Variants in PAH observed in about 807,000 individuals in gnomAD.
PAH encodes the protein phenylalanine hydroxylase, also known as phenylalanine-4-hydroxylase.
In PAH, 64 loss-of-function variants were observed where a neutral mutation model predicts 62.0. The ratio of observed to expected loss-of-function variants is 1.03; its 90% CI spans 0.84 to 1.27. PAH has a LOEUF of 1.27. PAH is among the 50% of genes most tolerant of loss of function. PAH has a pLI of 0.00. For synonymous variants in PAH, 195 were observed against 196.2 expected (o/e 0.99, Z 0.05); for missense variants, 579 against 542.8 (o/e 1.07, Z -0.66).
intron 2 of PAH, among the ~76,000 whole-genome samples, chr12:102,895,863 A>AT (rs1555208112): frequency 5.2e-5 from 7 of 133,644 alleles, no homozygotes; most frequent in African/African-American, 1.7e-4. Flanking sequence ...TCAAAAAAAA[A>AT]AAAAAAATAT....
At chr12:102,908,992 AT>A (rs1175628201) in intron 2 of PAH, among the ~76,000 whole-genome samples, 3 of 151,374 alleles carry the variant, frequency 2.0e-5, no homozygotes, top group Non-Finnish European at 4.4e-5. Context: ...TGCCCAGCTA[AT>A]TTTTTTGTGT....
At chr12:102,889,569 T>C (rs112979254) in intron 3 of PAH, among the ~76,000 whole-genome samples, 1 of 152,148 alleles carries the variant, frequency 6.6e-6, no homozygotes, top group African/African-American at 2.4e-5. Flanking sequence ...GATAGATAGA[T>C]AGACAGGCAG....
chr12:102,868,898 T>C (rs1490120502), intron 4 of PAH, among the ~76,000 whole-genome samples: 1 of 152,196 alleles, frequency 6.6e-6, no homozygotes, highest in Non-Finnish European at 1.5e-5. Flanking sequence ...CTCCAGGCCC[T>C]AAGGATAATA....
intron 3 of PAH, among the ~76,000 whole-genome samples, chr12:102,882,495 A>T (rs1463823): frequency 6.6e-6 from 1 of 152,046 alleles, no homozygotes; most frequent in African/African-American, 2.4e-5. Context: ...TAAATGAGTT[A>T]ATATGCGTGA....
chr12:102,881,792 T>C (rs182542288), intron 3 of PAH, among the ~76,000 whole-genome samples: 13 of 152,330 alleles, frequency 8.5e-5, no homozygotes, highest in South Asian at 6.2e-4. Context: ...ACAATATTTC[T>C]TTTTTCATGG....
At chr12:102,926,482 A>G (rs1270864089) in intron 1 of PAH, among the ~76,000 whole-genome samples, 1 of 151,946 alleles carries the variant, frequency 6.6e-6, no homozygotes, top group Non-Finnish European at 1.5e-5. Context: ...GGCACGACAA[A>G]TTCATGTAAC....
At chr12:102,867,885 ATATACATATATAGATGTATATATACATG>A (rs1876055506) in intron 4 of PAH, among the ~76,000 whole-genome samples, 5 of 146,484 alleles carry the variant, frequency 3.4e-5, no homozygotes, top group Non-Finnish European at 7.5e-5. Context: ...ATATACATGT[ATATACATATATAGATGTATATATACATG>A]TATATACATA....
At chr12:102,933,309 T>C (rs73393581) in intron 1 of PAH, among the ~76,000 whole-genome samples, 4,811 of 152,268 alleles carry the variant, frequency 0.032, 262 homozygotes, top group African/African-American at 0.11. Context: ...AACAGGATCT[T>C]ATTCTTTTTA....
upstream of PAH, among the ~76,000 whole-genome samples, chr12:102,922,195 C>CTTT (rs550531972): frequency 2.9e-3 from 359 of 124,952 alleles, 7 homozygotes; most frequent in African/African-American, 0.01. Flanking sequence ...TAAATCTTGC[C>CTTT]TTTTTTTTTT....
rs199475698 is a variant in PAH at position 102,877,456 on chromosome 12, A to T, written c.441+6T>A. ...AAAAATCTCATCCTACGGGCCATGG[A>T]CTCACAGGGTGGTCAGCATCCAGTT... On this transcript the variant is annotated splice_donor_region_variant and intron_variant, in intron 4 of 12. Coordinates refer to ENST00000553106, the MANE Select transcript of PAH (RefSeq NM_000277.3). 9.3e-6 allele frequency: 15 copies of T among 1,608,670 alleles called. No homozygotes were observed. Among genetic ancestry groups the T allele is most frequent in the Non-Finnish European group, 1.2e-5 (14 of 1,175,088 alleles).
At chr12:102,853,208 A>G in intron 6 of PAH, 1 of 505,294 alleles carries the variant, frequency 2.0e-6, no homozygotes, top group Non-Finnish European at 3.6e-6. Flanking sequence ...CAAGAATAAA[A>G]AGAGCTAATG....
At chr12:102,894,941 T>C in intron 2 of PAH, 23 bp from the exon 3 acceptor site, 5 of 1,592,326 alleles carry the variant, frequency 3.1e-6, no homozygotes, top group Non-Finnish European at 4.3e-6. Context: ...ATGGGGAGGG[T>C]GAGGAGACAG....
intron 2 of PAH, among the ~76,000 whole-genome samples, chr12:102,900,484 C>T (rs1330396544): frequency 1.3e-5 from 2 of 151,658 alleles, no homozygotes; most frequent in African/African-American, 4.8e-5. Context: ...CCCGGGCTGA[C>T]AAATGGGGGG....
chr12:102,838,219 G>A lies in PAH; in HGVS notation c.*956C>T, dbSNP rs1592944304. ...AGCCCCTGCAAAGGGTTGGAGATAT[G>A]AGCCTCTGGCCATTTTCTCATGTTA... is the stretch of plus-strand genomic sequence containing the variant. On this transcript the variant is annotated 3_prime_UTR_variant, in exon 13 of 13. Coordinates refer to ENST00000553106, the MANE Select transcript of PAH (RefSeq NM_000277.3). 6.6e-6 allele frequency: 1 copy of A among 152,164 alleles called. No individual in the cohort carries two copies. The highest frequency in any genetic ancestry group is 2.4e-5 in the African/African-American group (1 of 41,440). The allele number at this position is 152,164 out of a possible 1,614,324, so 9.4% of individuals were successfully genotyped here.
intron 1 of PAH, among the ~76,000 whole-genome samples, chr12:102,937,090 G>A (rs1275061180): frequency 2.0e-5 from 3 of 152,162 alleles, no homozygotes; most frequent in Admixed American, 1.3e-4. Context: ...AGAAGGATGT[G>A]TTTGCTTATC....
At chr12:102,864,192 C>A (rs116058440) in intron 5 of PAH, among the ~76,000 whole-genome samples, 167 of 152,206 alleles carry the variant, frequency 1.1e-3, no homozygotes, top group African/African-American at 3.8e-3. Flanking sequence ...AGTGGGGTTT[C>A]AATTTTACAT....
intron 8 of PAH, among the ~76,000 whole-genome samples, chr12:102,848,196 G>A (rs1186113377): frequency 1.1e-5 from 1 of 92,248 alleles, no homozygotes; most frequent in Non-Finnish European, 2.1e-5. Context: ...TAGGGGTTGA[G>A]GGTAGAGTAG....
intron 2 of PAH, among the ~76,000 whole-genome samples, chr12:102,895,593 T>C (rs930803733): frequency 6.6e-6 from 1 of 152,076 alleles, no homozygotes; most frequent in Non-Finnish European, 1.5e-5. Context: ...ACGCCTGTAA[T>C]CCCAGCACTT....
In PAH at chr12:102,904,851, A is replaced by G. The variant is rs1253285314; in HGVS notation, c.168+7940T>C. The G allele has an allele frequency of 9.0e-6, 3 of 333,796 alleles. No individual in the cohort carries two copies. The East Asian group carries it at 2.0e-4, about 23-fold the overall frequency. 20.7% of individuals were successfully genotyped at this position (333,796 alleles called of 1,614,324 possible). The stretch of plus-strand genomic sequence containing the variant: ...CACAGTCCCCCTGCTCTACCAAGCT[A>G]CTTTTCTTCTGGCGAATGGCTCAAC... On this transcript the variant is annotated intron_variant, in intron 2 of 12. Coordinates refer to ENST00000553106, the MANE Select transcript of PAH (RefSeq NM_000277.3).
Sources: allele counts gnomAD v4.1 joint callset (sites outside exome capture counted in the v4.1 genomes callset), GRCh38; gene constraint gnomAD v4.1.1; transcripts MANE v1.5; gene names NCBI Gene and HGNC (gene_info 2026-07-23, HGNC 2026-07-21).